TSPAN19: variants seen among roughly 807,000 people sequenced by gnomAD.
The protein encoded by TSPAN19 is tetraspanin-19.
Under a neutral mutation model 35.1 loss-of-function variants are expected in TSPAN19, and 44 were observed. That is an observed-to-expected ratio of 1.25 (90% confidence interval 0.98 to 1.61). The LOEUF (loss-of-function observed/expected upper bound fraction) is 1.61, where lower values mean the gene tolerates loss of function less well. TSPAN19 is among the 40% of genes most tolerant of loss of function. The pLI, the probability that TSPAN19 is intolerant of heterozygous loss-of-function variation, is 0.00. For synonymous variants in TSPAN19, 79 were observed against 92.0 expected, an observed-to-expected ratio of 0.86 and a Z score of 0.81; for missense variants, 290 against 280.0, an observed-to-expected ratio of 1.04 and a Z score of -0.26.
intron 8 of TSPAN19, chr12:85,014,936 G>T: frequency 6.4e-6 from 1 of 157,066 alleles, no homozygotes; most frequent in Non-Finnish European, 1.4e-5. Flanking sequence ...AATGAAAGGT[G>T]GCTTGTAAAG....
At chr12:85,026,998 C>T (rs1011785987) in intron 4 of TSPAN19, among the ~76,000 whole-genome samples, 1 of 152,118 alleles carries the variant, frequency 6.6e-6, no homozygotes, top group East Asian at 1.9e-4. Context: ...ATCTGCTTGG[C>T]TGCAATTAAA....
rs1282930945 is a variant in TSPAN19 at position 85,029,816 on chromosome 12, T to C, written c.67-25A>G. ...CCTAAAAAAAGAAAGTCAATGCTTA[T>C]TTTTTTGTAATTGCCTATACAATAG... On this transcript the variant is annotated intron_variant, in intron 2 of 8. Coordinates refer to ENST00000532498, the MANE Select transcript of TSPAN19 (RefSeq NM_001100917.2). The C allele has an allele frequency of 4.6e-6, 7 of 1,536,192 alleles. No homozygotes were observed. The Admixed American group carries it at 8.4e-5, about 18-fold the overall frequency.
At chr12:85,023,746 C>G (rs1393904053) in intron 4 of TSPAN19, among the ~76,000 whole-genome samples, 7 of 152,110 alleles carry the variant, frequency 4.6e-5, no homozygotes. Context: ...AAACTAAAGA[C>G]TCACTAAATT....
chr12:85,029,399 T>C (rs193195959), intron 3 of TSPAN19, among the ~76,000 whole-genome samples: 9 of 152,280 alleles, frequency 5.9e-5, no homozygotes, highest in Admixed American at 5.2e-4. Flanking sequence ...GTAATTAGCA[T>C]GTCCGGTCAT....
At chr12:85,016,356 T>G (rs1876801237) in intron 7 of TSPAN19, 2 of 155,852 alleles carry the variant, frequency 1.3e-5, no homozygotes, top group East Asian at 3.8e-4. Flanking sequence ...CATGTCTTCC[T>G]ATAGAAACAT....
rs1029647722 is a variant in TSPAN19, at chr12:85,018,904, G to T, written c.450+722C>A. On this transcript the variant is annotated intron_variant, in intron 6 of 8. Coordinates refer to ENST00000532498, the MANE Select transcript of TSPAN19 (RefSeq NM_001100917.2). ...ATGCAAAGCACTTACAAAAAAGTCT[G>T]GGACTATGTAAATGTTTGGTATTTT... Among the ~76,000 whole-genome samples, 4 of 151,748 alleles carry T rather than the reference G, an allele frequency of 2.6e-5. No individual in the cohort carries two copies. The South Asian group carries it at 8.3e-4, about 31-fold the overall frequency.
chr12:85,029,191 A>C (rs1877566081), intron 3 of TSPAN19, among the ~76,000 whole-genome samples: 1 of 152,176 alleles, frequency 6.6e-6, no homozygotes, highest in South Asian at 2.1e-4. Context: ...TAGGGCAATG[A>C]CTGACACAGA....
chr12:85,031,114 A>T (rs898410774), intron 1 of TSPAN19, among the ~76,000 whole-genome samples: 1 of 152,106 alleles, frequency 6.6e-6, no homozygotes, highest in Non-Finnish European at 1.5e-5. Context: ...ATCGTAAACC[A>T]TCTTCCTCGT....
intron 1 of TSPAN19, among the ~76,000 whole-genome samples, chr12:85,033,331 C>T (rs758650259): frequency 3.3e-5 from 5 of 151,868 alleles, no homozygotes; most frequent in Admixed American, 3.3e-4. Flanking sequence ...TGTGACAAAT[C>T]TTATATGCTT....
At chr12:85,021,546 A>G (rs1033075101) in intron 5 of TSPAN19, among the ~76,000 whole-genome samples, 12 of 152,070 alleles carry the variant, frequency 7.9e-5, no homozygotes, top group African/African-American at 2.4e-4. Flanking sequence ...GAGATCCAGA[A>G]TGCATATAAA....
chr12:85,034,604 T>C (rs1372799472), intron 1 of TSPAN19, among the ~76,000 whole-genome samples: 1 of 152,178 alleles, frequency 6.6e-6, no homozygotes, highest in Non-Finnish European at 1.5e-5. Flanking sequence ...ACATACTCAA[T>C]CTGAAGTTAC....
intron 7 of TSPAN19, chr12:85,017,188 G>C (rs1340178427): frequency 9.0e-6 from 3 of 331,980 alleles, no homozygotes; most frequent in Admixed American, 5.3e-5. Flanking sequence ...CTCAAGGAAG[G>C]CTGGGGAGAA....
At chr12:85,033,879 C>T (rs12313298) in intron 1 of TSPAN19, among the ~76,000 whole-genome samples, 8,492 of 152,028 alleles carry the variant, frequency 0.056, 804 homozygotes, top group African/African-American at 0.19. Context: ...AGCTCTTAGC[C>T]CAGTGCCTGG....
At chr12:85,029,249 G>A (rs1877568297) in intron 3 of TSPAN19, among the ~76,000 whole-genome samples, 1 of 152,054 alleles carries the variant, frequency 6.6e-6, no homozygotes, top group South Asian at 2.1e-4. Flanking sequence ...TGGCAATGGG[G>A]AGTCACATAA....
chr12:85,032,332 T>C (rs1877725033), intron 1 of TSPAN19, among the ~76,000 whole-genome samples: 1 of 152,056 alleles, frequency 6.6e-6, no homozygotes, highest in Non-Finnish European at 1.5e-5. Context: ...AATGAAATGA[T>C]ACAATTAAGA....
At position 85,015,945 on chromosome 12, in the gene TSPAN19, C is replaced by T. The variant is rs1226537653; in HGVS notation, c.621G>A (p.Trp207Ter). 1 of 1,546,448 alleles carries T rather than the reference C, an allele frequency of 6.5e-7. No individual in the cohort carries two copies. Reference sequence around the variant, plus strand: ...TTAAGGTTAACACATTAACATTATACCATGCACTGATTTTATTTTCACAAC... The same window carrying T: ...TTAAGGTTAACACATTAACATTATATCATGCACTGATTTTATTTTCACAAC... ...LEGCENKISA[W>*]YNVNVLTLIG... The change falls in exon 8 of 9, where the codon TGG becomes TGA. Residue 207 changes from tryptophan (W) to a stop codon, truncating the protein, a stop_gained. Coordinates refer to ENST00000532498, the MANE Select transcript of TSPAN19 (RefSeq NM_001100917.2). LOFTEE classifies it high-confidence loss of function.
intron 6 of TSPAN19, among the ~76,000 whole-genome samples, chr12:85,018,722 A>G (rs1226740348): frequency 6.6e-6 from 1 of 151,988 alleles, no homozygotes; most frequent in Non-Finnish European, 1.5e-5. Flanking sequence ...TAAAAAGTAC[A>G]GAATCTAGTG....
intron 3 of TSPAN19, 81 bp downstream of exon 3, chr12:85,029,638 A>C: frequency 1.9e-6 from 2 of 1,061,196 alleles, no homozygotes; most frequent in Non-Finnish European, 2.7e-6. Flanking sequence ...AAATACTGCC[A>C]CCTGCTGAAT....
rs1877607550 is a variant in TSPAN19 at position 85,029,926 on chromosome 12, T to C, written c.21A>G (p.Thr7=). Residue 7 remains threonine (T), a synonymous_variant, in exon 2 of 9, where the codon ACA becomes ACG. Coordinates refer to ENST00000532498, the MANE Select transcript of TSPAN19 (RefSeq NM_001100917.2). MLRNNK[T]IIIKYFLNLI... is the part of the protein sequence containing the mutation. ...GATTAAGAAAGTACTTAATAATTATTGTTTTGTTATTTCTTAACATTCTTT... is the reference window on the plus strand; with the variant it reads ...GATTAAGAAAGTACTTAATAATTATCGTTTTGTTATTTCTTAACATTCTTT... 33 of 1,457,242 alleles carry C rather than the reference T, an allele frequency of 2.3e-5. No individual in the cohort carries two copies. The highest frequency in any genetic ancestry group is 3.1e-5 in the Non-Finnish European group (33 of 1,080,686). 90.3% of individuals were successfully genotyped at this position (1,457,242 alleles called of 1,614,324 possible).
Sources: gnomAD v4.1 joint callset for allele counts (sites outside exome capture counted in the v4.1 genomes callset) on GRCh38, gnomAD v4.1.1 for gene constraint, MANE v1.5 for transcripts, NCBI Gene and HGNC (gene_info 2026-07-23, HGNC 2026-07-21) for gene names.